CEP128: variants seen among roughly 807,000 people sequenced by gnomAD.
CEP128 encodes centrosomal protein 128kDa.
Under a neutral mutation model 156.7 loss-of-function variants are expected in CEP128, and 132 were observed. The ratio of observed to expected loss-of-function variants is 0.84; its 90% confidence interval spans 0.73 to 0.97. CEP128 has a LOEUF of 0.97. CEP128 is among the 50% of genes least tolerant of loss of function. The pLI, the probability that CEP128 is intolerant of heterozygous loss-of-function variation, is 0.00. For missense variants in CEP128, 1,252 were observed against 1,281.9 expected (o/e 0.98, Z 0.36); for synonymous variants, 469 against 448.9 (o/e 1.04, Z -0.57).
intron 19 of CEP128, among the ~76,000 whole-genome samples, chr14:80,680,066 G>A (rs560257902): frequency 5.3e-5 from 8 of 152,332 alleles, no homozygotes; most frequent in East Asian, 1.9e-4. Context: ...AGAGATTGGA[G>A]TGCCTGCTCT....
In CEP128 at chr14:80,778,017, A is replaced by T. The variant is rs1335334543; in HGVS notation, c.2241T>A (p.Ala747=). 1 of 1,613,446 alleles carries T rather than the reference A, an allele frequency of 6.2e-7. No homozygotes were observed. The highest frequency in any genetic ancestry group is 8.5e-7 in the Non-Finnish European group (1 of 1,179,898). Residue 747 remains alanine (A), a synonymous_variant, in exon 16 of 25, where the codon GCT becomes GCA. Coordinates refer to ENST00000555265, the MANE Select transcript of CEP128 (RefSeq NM_152446.5). The stretch of plus-strand genomic sequence containing the variant: ...TCTCCAGCTGACCACGATGAATTTT[A>T]GCCATATTCTTCTCTTCTAAACTTT... The part of the protein sequence containing the change: ...KAESLEEKNM[A]KIHRGQLEKL...
chr14:80,654,368 G>A (rs959458585), intron 19 of CEP128, among the ~76,000 whole-genome samples: 8 of 152,066 alleles, frequency 5.3e-5, no homozygotes, highest in African/African-American at 1.2e-4. Context: ...TTATTTTGTC[G>A]TTTAGCTGAA....
intron 13 of CEP128, among the ~76,000 whole-genome samples, chr14:80,811,804 T>C (rs10149913): frequency 0.085 from 4,039 of 47,640 alleles, 179 homozygotes; most frequent in African/African-American, 0.25. Context: ...TGTGTGTGTG[T>C]GCACACGCAT....
At chr14:80,927,862 G>T (rs1056505246) in intron 2 of CEP128, among the ~76,000 whole-genome samples, 3 of 152,182 alleles carry the variant, frequency 2.0e-5, no homozygotes, top group Non-Finnish European at 2.9e-5. Context: ...AAAATTTTAA[G>T]TGCATACCTC....
At chr14:80,880,943 A>T (rs1273618630) in intron 8 of CEP128, among the ~76,000 whole-genome samples, 1 of 148,668 alleles carries the variant, frequency 6.7e-6, no homozygotes, top group African/African-American at 2.4e-5. Context: ...ACACATAGAA[A>T]TTACTACATT....
chr14:80,729,346 T>C (rs1326180711), intron 19 of CEP128, among the ~76,000 whole-genome samples: 1 of 151,064 alleles, frequency 6.6e-6, no homozygotes, highest in Non-Finnish European at 1.5e-5. Flanking sequence ...CATTATTTCA[T>C]TGCTTTTTAT....
chr14:80,921,250 CT>C (rs1294317468), intron 2 of CEP128, among the ~76,000 whole-genome samples: 20 of 152,204 alleles, frequency 1.3e-4, no homozygotes, highest in African/African-American at 4.8e-4. Context: ...GAGGTGGGAC[CT>C]TTAAAAGGTG....
chr14:80,751,664 C>T (rs1899399144), intron 18 of CEP128, among the ~76,000 whole-genome samples: 1 of 147,524 alleles, frequency 6.8e-6, no homozygotes, highest in Non-Finnish European at 1.5e-5. Context: ...GAGTCTCACT[C>T]TGCCGCCCAG....
At chr14:80,587,438 G>C (rs1891866091) in intron 19 of CEP128, among the ~76,000 whole-genome samples, 1 of 152,068 alleles carries the variant, frequency 6.6e-6, no homozygotes, top group African/African-American at 2.4e-5. Flanking sequence ...TTGGGTATGT[G>C]GTAAAACATC....
At chr14:80,742,429 A>T (rs1324303319) in intron 19 of CEP128, among the ~76,000 whole-genome samples, 1 of 151,906 alleles carries the variant, frequency 6.6e-6, no homozygotes, top group Admixed American at 6.6e-5. Context: ...TTCCACTACC[A>T]AGGTGCTTCT....
Position 80,895,734 on chromosome 14 carries a change from G to T in CEP128, c.629C>A (p.Ala210Asp). ...AGATCTCACCACTTCTTGTTTCTGG[G>T]CTTCATTAAGTTTTTCAGTCAATTC... ...LEELTEKLNE[A>D]QKQEVVSDRV... Residue 210 changes from alanine (A) to aspartate (D), a missense_variant, in exon 8 of 25, where the codon GCC becomes GAC. Transcript: ENST00000555265. 1 of 1,572,616 alleles carries T rather than the reference G, an allele frequency of 6.4e-7. No homozygotes were observed. The highest frequency in any genetic ancestry group is 1.4e-5 in the African/African-American group (1 of 72,660).
intron 2 of CEP128, among the ~76,000 whole-genome samples, chr14:80,934,310 C>A (rs142894006): frequency 2.3e-4 from 35 of 152,302 alleles, no homozygotes; most frequent in African/African-American, 7.0e-4. Context: ...AAAGACCATC[C>A]TTTGGCAAAA....
At chr14:80,603,801 C>T (rs1226449359) in intron 19 of CEP128, among the ~76,000 whole-genome samples, 2 of 152,138 alleles carry the variant, frequency 1.3e-5, no homozygotes, top group South Asian at 2.1e-4. Context: ...GAATCCCATA[C>T]TGCTAGGATA....
chr14:80,932,226 A>G (rs1245686012), intron 2 of CEP128, among the ~76,000 whole-genome samples: 1 of 152,234 alleles, frequency 6.6e-6, no homozygotes, highest in Non-Finnish European at 1.5e-5. Flanking sequence ...TCTTTCCTTT[A>G]TAAATTACCC....
rs570864868 is a variant in CEP128, at chr14:80,481,075, T to C, written c.*311-2668A>G. 2.6e-5 allele frequency among the ~76,000 whole-genome samples: 4 copies of C among 152,282 alleles called. No individual in the cohort carries two copies. The South Asian group carries it at 8.3e-4, about 32-fold the overall frequency. On this transcript the variant is annotated intron_variant and NMD_transcript_variant, in intron 14 of 14. Transcript: ENST00000554502. ...ACCCAGTTCCAAAGTCGCTTCCACA[T>C]TTTCGGGTATGTTTTCAGCAACTCC...
chr14:80,836,437 C>T (rs1478983186), intron 11 of CEP128, 100 bp from the exon 12 acceptor site: 1 of 1,308,478 alleles, frequency 7.6e-7, no homozygotes, highest in Admixed American at 1.9e-5. Context: ...GGTTAATCTC[C>T]TTCCAAGCAT....
chr14:80,586,278 G>A (rs1255384910), intron 19 of CEP128, among the ~76,000 whole-genome samples: 2 of 152,194 alleles, frequency 1.3e-5, no homozygotes, highest in African/African-American at 2.4e-5. Flanking sequence ...CTATCCTTGG[G>A]CAGACCCCTG....
chr14:80,784,848 A>T (rs748918049), intron 15 of CEP128, 47 bp downstream of exon 15: 3 of 1,465,964 alleles, frequency 2.0e-6, no homozygotes, highest in Non-Finnish European at 2.8e-6. Context: ...TTCATGAGCC[A>T]CCAGAAAAAT....
At chr14:80,898,654 G>A (rs1252061379) in intron 7 of CEP128, among the ~76,000 whole-genome samples, 2 of 152,092 alleles carry the variant, frequency 1.3e-5, no homozygotes, top group African/African-American at 2.4e-5. Context: ...CCTTGAAATG[G>A]ATAATGGTCA....
Sources: gnomAD v4.1 joint callset for allele counts (sites outside exome capture counted in the v4.1 genomes callset) on GRCh38, gnomAD v4.1.1 for gene constraint, MANE v1.5 for transcripts, NCBI Gene and HGNC (gene_info 2026-07-23, HGNC 2026-07-21) for gene names.